Variants in PIK3CD observed in about 807,000 individuals in gnomAD.
The protein encoded by PIK3CD is phosphatidylinositol-4,5-bisphosphate 3-kinase catalytic subunit delta.
A neutral mutation model predicts 122.9 loss-of-function variants in PIK3CD; 20 were observed. The observed-to-expected ratio is 0.16, with a 90% CI of 0.11 to 0.24. The LOEUF (loss-of-function observed/expected upper bound fraction) is 0.24. Ranked by LOEUF, PIK3CD falls within the 10% of genes least tolerant of loss-of-function variation. PIK3CD has a pLI of 1.00. For synonymous variants in PIK3CD, 596 were observed against 593.4 expected (o/e 1.00, Z -0.06); for missense variants, 787 against 1,406.3 (o/e 0.56, Z 7.04).
chr1:9,654,480 G>GGA (rs150187930), intron 1 of PIK3CD: 598,730 of 1,296,954 alleles, frequency 0.46, 152,753 homozygotes, highest in East Asian at 0.92. Context: ...ACCAATGGTT[G>GGA]TGCGAAAGCC....
chr1:9,718,765 C>T lies in PIK3CD; in HGVS notation c.1092C>T (p.Ser364=), dbSNP rs774630166. Residue 364 remains serine, a synonymous_variant, in exon 9 of 24, where the codon AGC becomes AGT. Coordinates refer to ENST00000377346, the MANE Select transcript of PIK3CD (RefSeq NM_005026.5). This position sits in a 1 kb window ranked among gnomAD's most constrained non-coding sequence, Gnocchi z 7.2. ...AGACGGTGTCCAGCTCGGAGGTGAGCGTGTGCTCGGAGCCCGTGTGGAAGC... is the reference window on the plus strand; with the variant it reads ...AGACGGTGTCCAGCTCGGAGGTGAGTGTGTGCTCGGAGCCCGTGTGGAAGC... ...LCKTVSSSEV[S]VCSEPVWKQR... The T allele has an allele frequency of 6.2e-6, 10 of 1,610,532 alleles. No homozygotes were observed. Among genetic ancestry groups the T allele is most frequent in the East Asian group, 2.2e-5 (1 of 44,872 alleles).
chr1:9,668,755 G>A (rs1645237239), intron 1 of PIK3CD, among the ~76,000 whole-genome samples: 1 of 152,082 alleles, frequency 6.6e-6, no homozygotes, highest in African/African-American at 2.4e-5. Flanking sequence ...TCCCAGAAGG[G>A]GAGCTGACAA....
Position 9,724,719 on chromosome 1 carries a change from G to A in PIK3CD, c.2865-85G>A. The A allele has an allele frequency of 6.4e-7, 1 of 1,559,180 alleles. No homozygotes were observed. Among genetic ancestry groups the A allele is most frequent in the South Asian group, 1.1e-5 (1 of 89,768 alleles). On this transcript the variant is annotated intron_variant, in intron 22 of 23. Coordinates refer to ENST00000377346, the MANE Select transcript of PIK3CD (RefSeq NM_005026.5). The surrounding 1 kb of genome is among the most constrained non-coding windows in gnomAD (Gnocchi z 7.3). ...CAGGGCAAGGGCAGGTGTCCTTGGG[G>A]AAGGGGCTGGTTGGATGCAGAGCGG...
chr1:9,701,193 C>T (rs1646612961), intron 2 of PIK3CD, among the ~76,000 whole-genome samples: 1 of 152,104 alleles, frequency 6.6e-6, no homozygotes, highest in South Asian at 2.1e-4. Context: ...CTTCAACTTG[C>T]TCATGCCACA....
At chr1:9,635,777 C>T in the PIK3CD span, among the ~76,000 whole-genome samples, 2 of 152,376 alleles carry the variant, frequency 1.3e-5, no homozygotes, top group African/African-American at 4.8e-5. Context: ...CTGCTGTCCA[C>T]TGACAGACTT....
At chr1:9,650,529 TAGG>T (rs776286051), upstream of PIK3CD, among the ~76,000 whole-genome samples, 49 of 149,750 alleles carry the variant, frequency 3.3e-4, no homozygotes, top group Non-Finnish European at 6.2e-4. Flanking sequence ...GAGGCTGAGG[TAGG>T]AGAATTGCTT....
chr1:9,705,003 G>A (rs768566814), intron 2 of PIK3CD, among the ~76,000 whole-genome samples: 12 of 152,152 alleles, frequency 7.9e-5, no homozygotes, highest in South Asian at 6.2e-4. Flanking sequence ...CCCAGCCGGC[G>A]CTGCCACCCA....
chr1:9,669,264 G>T (rs553161079), intron 1 of PIK3CD, among the ~76,000 whole-genome samples: 11 of 152,296 alleles, frequency 7.2e-5, no homozygotes, highest in African/African-American at 2.2e-4. Flanking sequence ...AGTCTCCTGG[G>T]TTCAAGTGAT....
Position 9,722,752 on chromosome 1 carries a change from T to C in PIK3CD, c.2426+146T>C. The C allele has an allele frequency of 1.3e-6, 1 of 752,404 alleles. No homozygotes were observed. The highest frequency in any genetic ancestry group is 2.0e-5 in the Admixed American group (1 of 49,266). 46.6% of individuals were successfully genotyped at this position (752,404 alleles called of 1,614,324 possible). On this transcript the variant is annotated intron_variant, in intron 19 of 23. Coordinates refer to ENST00000377346, the MANE Select transcript of PIK3CD (RefSeq NM_005026.5). The surrounding 1 kb of genome is among the most constrained non-coding windows in gnomAD (Gnocchi z 7.6). ...GGAAGACCCGGAGGCGGTTTAACTC[T>C]AGGCCAGGAGGCGGCGGGCAGCAGG...
chr1:9,645,332 T>C, the PIK3CD span, among the ~76,000 whole-genome samples: 2 of 151,974 alleles, frequency 1.3e-5, no homozygotes, highest in African/African-American at 4.8e-5. Context: ...GAATGTTAAA[T>C]TTAGCTTAAG....
At position 9,694,913 on chromosome 1, in the gene PIK3CD, G is replaced by T. The variant is rs538196507; in HGVS notation, c.-33+3342G>T. Among the ~76,000 whole-genome samples the T allele has an allele frequency of 9.9e-5, 15 of 152,218 alleles. No homozygotes were observed. In the East Asian group the frequency reaches 2.9e-3, roughly 29 times the overall value. On this transcript the variant is annotated intron_variant, in intron 2 of 23. Transcript: ENST00000377346. ...AGAGGTTGAGGCTGCAGTGAGCCAT[G>T]ATCATACCAGTGCACTCCAGCCTGG...
In PIK3CD at chr1:9,701,541, C is replaced by T. The variant is rs532440362; in HGVS notation, c.-32-8883C>T. 1.4e-4 allele frequency among the ~76,000 whole-genome samples: 22 copies of T among 152,070 alleles called. No individual in the cohort carries two copies. The South Asian group carries it at 1.9e-3, about 13-fold the overall frequency. ...ACAAAAAATCAGCCAGGCACAGTGGCAGACACCTGTAATTCCACTTACGAG... is the reference window on the plus strand; with the variant it reads ...ACAAAAAATCAGCCAGGCACAGTGGTAGACACCTGTAATTCCACTTACGAG... On this transcript the variant is annotated intron_variant, in intron 2 of 23. Coordinates refer to ENST00000377346, the MANE Select transcript of PIK3CD (RefSeq NM_005026.5).
intron 1 of PIK3CD, chr1:9,654,064 C>A: frequency 8.3e-7 from 1 of 1,210,036 alleles, no homozygotes; most frequent in Non-Finnish European, 1.1e-6. Flanking sequence ...GAGCAAGAGC[C>A]CATCTCTGAG....
At chr1:9,641,527 T>C in the PIK3CD span, among the ~76,000 whole-genome samples, 1 of 152,108 alleles carries the variant, frequency 6.6e-6, no homozygotes, top group Non-Finnish European at 1.5e-5. Flanking sequence ...GGGTTTTGAG[T>C]ATGTGTGTTT....
Position 9,722,506 on chromosome 1 carries a change from C to T in PIK3CD, c.2348-22C>T, listed in dbSNP as rs1341263020. On this transcript the variant is annotated intron_variant, in intron 18 of 23. Coordinates refer to ENST00000377346, the MANE Select transcript of PIK3CD (RefSeq NM_005026.5). The surrounding 1 kb of genome is among the most constrained non-coding windows in gnomAD (Gnocchi z 7.6). ...AACCTACCAGAAACTCACGCTTCTC[C>T]TCCCACCGGCCGGTGGCACAGACCT... is the stretch of plus-strand genomic sequence containing the variant. 6.2e-7 allele frequency: 1 copy of T among 1,605,294 alleles called. No homozygotes were observed. The highest frequency in any genetic ancestry group is 8.5e-7 in the Non-Finnish European group (1 of 1,172,492).
At chr1:9,708,558 T>C (rs1297149777) in intron 2 of PIK3CD, among the ~76,000 whole-genome samples, 4 of 152,064 alleles carry the variant, frequency 2.6e-5, no homozygotes, top group Non-Finnish European at 5.9e-5. Flanking sequence ...TATAAAAACA[T>C]GCATGGACGT....
At chr1:9,707,231 GAACA>G (rs1309692321) in intron 2 of PIK3CD, among the ~76,000 whole-genome samples, 1 of 151,424 alleles carries the variant, frequency 6.6e-6, no homozygotes. Context: ...ATGGATTCAA[GAACA>G]TACATTGTAG....
intron 1 of PIK3CD, among the ~76,000 whole-genome samples, chr1:9,682,063 G>A (rs1203744212): frequency 1.3e-5 from 2 of 152,130 alleles, no homozygotes; most frequent in African/African-American, 4.8e-5. Context: ...CTCCTGAGTA[G>A]CTGGGACTAC....
In PIK3CD at chr1:9,718,091, A is replaced by G. The variant is rs1408494308; in HGVS notation, c.1020+465A>G. The G allele has an allele frequency of 2.1e-6, 1 of 467,094 alleles. No individual in the cohort carries two copies. Among genetic ancestry groups the G allele is most frequent in the Non-Finnish European group, 4.3e-6 (1 of 234,484 alleles). The allele number at this position is 467,094 out of a possible 1,614,324, so 28.9% of individuals were successfully genotyped here. A position where few individuals can be genotyped will look rare whatever the true frequency, so the allele number is the denominator to read the frequency against. Reference sequence around the variant, plus strand: ...GTCTCTTAACACTTTCACACGCTCCATCGCAACAGCCTGCAGTCATGGGCT... The same window carrying G: ...GTCTCTTAACACTTTCACACGCTCCGTCGCAACAGCCTGCAGTCATGGGCT... On this transcript the variant is annotated intron_variant, in intron 8 of 23. Coordinates refer to ENST00000377346, the MANE Select transcript of PIK3CD (RefSeq NM_005026.5). This position sits in a 1 kb window ranked among gnomAD's most constrained non-coding sequence, Gnocchi z 7.2.
Sources: allele counts gnomAD v4.1 joint callset (sites outside exome capture counted in the v4.1 genomes callset), GRCh38; gene constraint gnomAD v4.1.1; non-coding constraint Gnocchi (gnomAD v3.1); transcripts MANE v1.5; gene names NCBI Gene and HGNC (gene_info 2026-07-23, HGNC 2026-07-21).